The following GALNTL6 variants were observed in gnomAD, a reference collection of about 807,000 sequenced individuals.
GALNTL6 encodes polypeptide N-acetylgalactosaminyltransferase like 6, also known as polypeptide N-acetylgalactosaminyltransferase-like 6.
A neutral mutation model predicts 73.7 loss-of-function variants in GALNTL6; 46 were observed. The observed-to-expected ratio is 0.62, with a 90% confidence interval of 0.49 to 0.80. The LOEUF is 0.80. Among genes scored for constraint, GALNTL6 ranks in the 30% least tolerant of loss-of-function variants. GALNTL6 has a pLI of 0.00. For missense variants in GALNTL6, 604 were observed against 755.0 expected (o/e 0.80, Z 2.34); for synonymous variants, 259 against 263.7 (o/e 0.98, Z 0.17).
chr4:172,234,822 A>G (rs964811567), intron 3 of GALNTL6, among the ~76,000 whole-genome samples: 1 of 152,136 alleles, frequency 6.6e-6, no homozygotes, highest in Non-Finnish European at 1.5e-5. Context: ...TGACTGTTTA[A>G]TACTTGCTGT....
chr4:172,350,764 A>G (rs1741913482), intron 5 of GALNTL6, among the ~76,000 whole-genome samples: 1 of 152,072 alleles, frequency 6.6e-6, no homozygotes, highest in South Asian at 2.1e-4. Context: ...TCTTTTTCCA[A>G]ATTTTTGCTT....
At chr4:172,725,741 T>C (rs923088831) in intron 5 of GALNTL6, among the ~76,000 whole-genome samples, 5 of 152,222 alleles carry the variant, frequency 3.3e-5, no homozygotes, top group African/African-American at 1.2e-4. Context: ...AAACAGTCAT[T>C]TCCTCATCTG....
chr4:171,905,736 C>T (rs1459494796), intron 2 of GALNTL6, among the ~76,000 whole-genome samples: 1 of 151,024 alleles, frequency 6.6e-6, no homozygotes, highest in African/African-American at 2.5e-5. Context: ...TGACCACATA[C>T]TTGGAAGTAA....
At chr4:172,687,194 T>G (rs1353954431) in intron 5 of GALNTL6, among the ~76,000 whole-genome samples, 1 of 152,224 alleles carries the variant, frequency 6.6e-6, no homozygotes, top group Non-Finnish European at 1.5e-5. Context: ...TTTCACAAAT[T>G]TTTGCTTTTG....
chr4:172,649,946 G>T (rs889260375), intron 5 of GALNTL6, among the ~76,000 whole-genome samples: 1 of 152,180 alleles, frequency 6.6e-6, no homozygotes, highest in Non-Finnish European at 1.5e-5. Context: ...TTTGGCTTCA[G>T]ATGTAGCCAA....
chr4:172,405,108 C>G (rs1744162651), intron 5 of GALNTL6, among the ~76,000 whole-genome samples: 1 of 151,702 alleles, frequency 6.6e-6, no homozygotes, highest in Admixed American at 6.6e-5. Context: ...ATTTTTAGAG[C>G]AAAATGAAAT....
intron 2 of GALNTL6, among the ~76,000 whole-genome samples, chr4:172,168,868 CAT>C (rs1473182582): frequency 7.2e-5 from 11 of 152,276 alleles, no homozygotes; most frequent in Middle Eastern, 3.4e-3. Flanking sequence ...TGTTTTTAAA[CAT>C]GTGTAAAACT....
intron 3 of GALNTL6, among the ~76,000 whole-genome samples, chr4:172,304,690 G>A (rs1393068520): frequency 6.6e-6 from 1 of 151,786 alleles, no homozygotes; most frequent in Non-Finnish European, 1.5e-5. Flanking sequence ...TTTTCCCCCG[G>A]ACATAAACCT....
At chr4:172,651,140 T>G (rs140694648) in intron 5 of GALNTL6, among the ~76,000 whole-genome samples, 174 of 152,328 alleles carry the variant, frequency 1.1e-3, no homozygotes, top group African/African-American at 3.6e-3. Context: ...GTATTGTCCA[T>G]CCACTGGATT....
chr4:172,551,008 T>C (rs934429534), intron 5 of GALNTL6, among the ~76,000 whole-genome samples: 1 of 152,178 alleles, frequency 6.6e-6, no homozygotes, highest in East Asian at 1.9e-4. Context: ...GAACTTCTTA[T>C]TGGGCATACA....
chr4:172,739,085 C>T (rs1033047723), intron 5 of GALNTL6, among the ~76,000 whole-genome samples: 20 of 152,124 alleles, frequency 1.3e-4, no homozygotes, highest in African/African-American at 4.8e-4. Context: ...GCATATCCCA[C>T]CCCCACTTCC....
chr4:172,738,403 G>A (rs1736593275), intron 5 of GALNTL6, among the ~76,000 whole-genome samples: 1 of 152,070 alleles, frequency 6.6e-6, no homozygotes, highest in Admixed American at 6.6e-5. Flanking sequence ...TGGACTTTTT[G>A]TTGTTGCTGT....
At chr4:172,738,448 G>A (rs1736595833) in intron 5 of GALNTL6, among the ~76,000 whole-genome samples, 1 of 152,024 alleles carries the variant, frequency 6.6e-6, no homozygotes, top group Non-Finnish European at 1.5e-5. Context: ...AAGCCAGCTT[G>A]TCTCTACACC....
At chr4:172,233,509 A>G (rs1425715359) in intron 3 of GALNTL6, among the ~76,000 whole-genome samples, 1 of 152,042 alleles carries the variant, frequency 6.6e-6, no homozygotes, top group East Asian at 1.9e-4. Flanking sequence ...TATTATTAAC[A>G]TTTATTAAGA....
At chr4:172,042,465 G>T (rs1230666554) in intron 2 of GALNTL6, among the ~76,000 whole-genome samples, 2 of 151,818 alleles carry the variant, frequency 1.3e-5, no homozygotes, top group Non-Finnish European at 2.9e-5. Flanking sequence ...TGCTCATTAA[G>T]CAAGTCTACT....
chr4:172,446,814 A>G (rs966670823), intron 5 of GALNTL6, among the ~76,000 whole-genome samples: 2 of 152,198 alleles, frequency 1.3e-5, no homozygotes, highest in Non-Finnish European at 1.5e-5. Flanking sequence ...AAGCCCAGGA[A>G]GAACCCCTAA....
chr4:172,327,309 A>G (rs1740976083), intron 4 of GALNTL6, among the ~76,000 whole-genome samples: 1 of 152,078 alleles, frequency 6.6e-6, no homozygotes. Flanking sequence ...GGACTGTTTT[A>G]TGTCTGATTA....
intron 5 of GALNTL6, among the ~76,000 whole-genome samples, chr4:172,743,581 T>C (rs1014708527): frequency 6.6e-6 from 1 of 152,066 alleles, no homozygotes; most frequent in African/African-American, 2.4e-5. Context: ...TTTACTAAGA[T>C]ACATAAAGCA....
chr4:172,118,761 GA>G (rs1201156835), intron 2 of GALNTL6, among the ~76,000 whole-genome samples: 26 of 148,594 alleles, frequency 1.7e-4, no homozygotes, highest in Admixed American at 2.7e-4. Context: ...AGGAATAAAA[GA>G]AAAAAAAGAA....
Sources: gnomAD v4.1 joint callset for allele counts (sites outside exome capture counted in the v4.1 genomes callset) on GRCh38, gnomAD v4.1.1 for gene constraint, MANE v1.5 for transcripts, NCBI Gene and HGNC (gene_info 2026-07-23, HGNC 2026-07-21) for gene names.